CDH6: variants seen among roughly 807,000 people sequenced by gnomAD.
The protein encoded by CDH6 is cadherin-6.
Under a neutral mutation model 78.0 loss-of-function variants are expected in CDH6, and 31 were observed. The ratio of observed to expected loss-of-function variants is 0.40; its 90% CI spans 0.30 to 0.54. CDH6 has a LOEUF of 0.54. Among genes scored for constraint, CDH6 ranks in the 20% least tolerant of loss-of-function variants. The probability of loss-of-function intolerance (pLI) is 0.56; values close to 1 mark genes in which losing one functional copy is unlikely to be tolerated. For synonymous variants in CDH6, 376 were observed against 368.8 expected, an observed-to-expected ratio of 1.02 and a Z score of -0.23; for missense variants, 724 against 975.9, an observed-to-expected ratio of 0.74 and a Z score of 3.44.
chr5:31,306,032 T>C (rs1158648731), intron 7 of CDH6, among the ~76,000 whole-genome samples: 3 of 152,188 alleles, frequency 2.0e-5, no homozygotes, highest in African/African-American at 7.2e-5. Context: ...TAACCTGGGA[T>C]TATTTTTCAA....
intron 1 of CDH6, among the ~76,000 whole-genome samples, chr5:31,259,596 A>G (rs537898431): frequency 1.3e-5 from 2 of 152,366 alleles, no homozygotes; most frequent in South Asian, 4.1e-4. Flanking sequence ...AGAGAATAAT[A>G]TGAAACCCAG....
At chr5:31,202,724 AC>A (rs1740391924) in intron 1 of CDH6, among the ~76,000 whole-genome samples, 2 of 151,544 alleles carry the variant, frequency 1.3e-5, no homozygotes, top group East Asian at 3.9e-4. Flanking sequence ...TATATATGTT[AC>A]ATATATACAT....
chr5:31,293,916 C>A, intron 2 of CDH6, 46 bp from the exon 3 acceptor site: 4 of 1,309,084 alleles, frequency 3.1e-6, no homozygotes, highest in South Asian at 1.4e-5. Flanking sequence ...AGTTTAGAAC[C>A]ACATGCTTGA....
chr5:31,261,006 C>T (rs1742197742), intron 1 of CDH6, among the ~76,000 whole-genome samples: 1 of 152,164 alleles, frequency 6.6e-6, no homozygotes, highest in Non-Finnish European at 1.5e-5. Flanking sequence ...CTATTCAAAA[C>T]AAAGTTTCTT....
Position 31,294,265 on chromosome 5 carries a change from G to GACGTGACTTCAGCCAA in CDH6, c.523+11_523+26dup. ...TGAAATGTCTGATGTCGGTGAGTGA[G>GACGTGACTTCAGCCAA]ACGTGACTTCAGCCAAAAGCTGGCT... On this transcript the variant is annotated intron_variant, in intron 3 of 11. Coordinates refer to ENST00000265071, the MANE Select transcript of CDH6 (RefSeq NM_004932.4). This position sits in a 1 kb window ranked among gnomAD's most constrained non-coding sequence, Gnocchi z 4.1. 6.2e-7 allele frequency: 1 copy of GACGTGACTTCAGCCAA among 1,603,362 alleles called. No individual in the cohort carries two copies. The highest frequency in any genetic ancestry group is 1.1e-5 in the South Asian group (1 of 89,284).
In CDH6 at chr5:31,317,884, G is replaced by A; in HGVS notation, c.1842G>A (p.Gly614=). ...ALIHPTGLST[G]ALVAILLCIV... is the part of the protein sequence containing the mutation. The stretch of plus-strand genomic sequence containing the variant: ...TCCACCCCACGGGACTGAGCACGGG[G>A]GCTCTGGTTGCCATCCTTCTGTGCA... Residue 614 remains glycine, a synonymous_variant, in exon 11 of 12, where the codon GGG becomes GGA. Transcript: ENST00000265071. 6 of 1,613,902 alleles carry A rather than the reference G, an allele frequency of 3.7e-6. No individual in the cohort carries two copies. The highest frequency in any genetic ancestry group is 5.1e-6 in the Non-Finnish European group (6 of 1,180,018).
At chr5:31,263,361 C>T (rs957888779) in intron 1 of CDH6, among the ~76,000 whole-genome samples, 1 of 150,950 alleles carries the variant, frequency 6.6e-6, no homozygotes. Flanking sequence ...TGGGTTCAAG[C>T]GCCTCCTGCC....
Position 31,323,129 on chromosome 5 carries a change from T to A in CDH6, c.2194T>A (p.Tyr732Asn), listed in dbSNP as rs1738518996. 6.2e-7 allele frequency: 1 copy of A among 1,614,094 alleles called. No individual in the cohort carries two copies. Among genetic ancestry groups the A allele is most frequent in the Non-Finnish European group, 8.5e-7 (1 of 1,180,044 alleles). The change falls in exon 12 of 12, where the codon TAC (tyrosine) becomes AAC (asparagine). Residue 732 changes from tyrosine to asparagine, a missense_variant. Transcript: ENST00000265071. Reference protein sequence around the residue: ...ENDTDPTAPPYDSLATYAYEG... With the variant: ...ENDTDPTAPPNDSLATYAYEG... ...TGACACGGACCCCACTGCCCCGCCA[T>A]ACGACTCCTTGGCCACTTACGCCTA... is the stretch of plus-strand genomic sequence containing the variant.
chr5:31,308,779 T>C (rs890097521), intron 7 of CDH6, among the ~76,000 whole-genome samples: 3 of 152,026 alleles, frequency 2.0e-5, no homozygotes, highest in Non-Finnish European at 4.4e-5. Context: ...CAAGGTTTGA[T>C]AGGAAAATAT....
chr5:31,321,640 G>A (rs948405111), intron 11 of CDH6, among the ~76,000 whole-genome samples: 4 of 152,068 alleles, frequency 2.6e-5, no homozygotes, highest in African/African-American at 9.7e-5. Context: ...TTAATATATA[G>A]ATACATGGGT....
At position 31,305,380 on chromosome 5, in the gene CDH6, A is replaced by C. The variant is rs1214017728; in HGVS notation, c.1206A>C (p.Ile402=). Residue 402 remains isoleucine (I), a synonymous_variant, in exon 7 of 12, where the codon ATA becomes ATC. Transcript: ENST00000265071. Reference sequence around the variant, plus strand: ...AAGATGCTCAGATAAACACCACAATAGGCTCCGTCACAGCCCAAGATCCAG... The same window carrying C: ...AAGATGCTCAGATAAACACCACAATCGGCTCCGTCACAGCCCAAGATCCAG... ...IREDAQINTT[I]GSVTAQDPDA... 1.2e-6 allele frequency: 2 copies of C among 1,614,142 alleles called. No individual in the cohort carries two copies. Among genetic ancestry groups the C allele is most frequent in the South Asian group, 2.2e-5 (2 of 91,086 alleles).
chr5:31,275,185 T>C (rs1233784315), intron 2 of CDH6, among the ~76,000 whole-genome samples: 1 of 152,174 alleles, frequency 6.6e-6, no homozygotes, highest in African/African-American at 2.4e-5. Context: ...AAAATCAAGA[T>C]CTCTAATTGT....
At chr5:31,242,378 C>G (rs891456147) in intron 1 of CDH6, among the ~76,000 whole-genome samples, 1 of 152,140 alleles carries the variant, frequency 6.6e-6, no homozygotes, top group Admixed American at 6.5e-5. Context: ...ACAATGTTGT[C>G]TCTCAACTCT....
intron 1 of CDH6, 128 bp from the exon 2 acceptor site, chr5:31,267,218 A>C: frequency 2.1e-6 from 1 of 473,720 alleles, no homozygotes; most frequent in Non-Finnish European, 3.8e-6. Flanking sequence ...TTCGTTTCAA[A>C]ATTGATAGCC....
Position 31,323,477 on chromosome 5 carries a change from T to G in CDH6, c.*169T>G, listed in dbSNP as rs1738533680. ...GAGACTTTTTTCTAGTACACTTTTA[T>G]GAGCTTCCAAGGGGCAAATTTTTAT... On this transcript the variant is annotated 3_prime_UTR_variant, in exon 12 of 12. Coordinates refer to ENST00000265071, the MANE Select transcript of CDH6 (RefSeq NM_004932.4). 1.3e-6 allele frequency: 1 copy of G among 766,362 alleles called. No homozygotes were observed. Among genetic ancestry groups the G allele is most frequent in the African/African-American group, 1.7e-5 (1 of 57,238 alleles). The allele number at this position is 766,362 out of a possible 1,614,324, so 47.5% of individuals were successfully genotyped here. A position where few individuals can be genotyped will look rare whatever the true frequency, so the allele number is the denominator to read the frequency against.
intron 1 of CDH6, among the ~76,000 whole-genome samples, 197 bp downstream of exon 1, chr5:31,194,083 C>A (rs905444949): frequency 1.3e-5 from 2 of 152,076 alleles, no homozygotes; most frequent in Admixed American, 6.5e-5. Context: ...GCGCTGCTGC[C>A]GCTGCTCAGG....
rs767912251 is a variant in CDH6 at position 31,323,009 on chromosome 5, A to G, written c.2074A>G (p.Ile692Val). The stretch of plus-strand genomic sequence containing the variant: ...AGAGGACAACAAATTACGAAGGGAC[A>G]TTGTGCCCGAAGCCCTTTTCCTACC... ...AIEDNKLRRD[I>V]VPEALFLPRR... The change falls in exon 12 of 12, where the codon ATT becomes GTT. Residue 692 changes from isoleucine (I) to valine (V), a missense_variant. Physicochemically the swap from Ile to Val is conservative, Grantham distance 29. Around this residue, in one of 3 missense-constraint regions of CDH6, gnomAD observed 220 missense variants for 240.6 expected, o/e 0.91. Transcript: ENST00000265071. 2.5e-5 allele frequency: 41 copies of G among 1,614,068 alleles called. No individual in the cohort carries two copies. Among genetic ancestry groups the G allele is most frequent in the Non-Finnish European group, 3.4e-5 (40 of 1,180,040 alleles).
intron 11 of CDH6, among the ~76,000 whole-genome samples, chr5:31,321,112 T>C (rs1017484986): frequency 1.3e-4 from 20 of 152,192 alleles, no homozygotes; most frequent in African/African-American, 4.8e-4. Context: ...ACAATTTCCT[T>C]ATTTACTACA....
intron 1 of CDH6, among the ~76,000 whole-genome samples, chr5:31,214,583 A>T (rs1740813353): frequency 6.6e-6 from 1 of 152,220 alleles, no homozygotes; most frequent in African/African-American, 2.4e-5. Flanking sequence ...TGTATCTAAA[A>T]GAAATCACAT....
Sources: allele counts gnomAD v4.1 joint callset (sites outside exome capture counted in the v4.1 genomes callset), GRCh38; gene constraint gnomAD v4.1.1; regional missense constraint gnomAD v4.1.1; non-coding constraint Gnocchi (gnomAD v3.1); transcripts MANE v1.5; gene names NCBI Gene and HGNC (gene_info 2026-07-23, HGNC 2026-07-21).